The following CMC1 variants were observed in gnomAD, a reference collection of about 807,000 sequenced individuals.
The protein encoded by CMC1 is C-X9-C motif containing 1, also known as COX assembly mitochondrial protein homolog.
In CMC1, 14 loss-of-function variants were observed where a neutral mutation model predicts 14.1. The observed-to-expected ratio is 0.99, with a 90% CI of 0.66 to 1.55. The LOEUF is 1.55. Ranked by LOEUF, CMC1 falls within the 40% of genes most tolerant of loss-of-function variation. CMC1 has a pLI of 0.00. For synonymous variants in CMC1, 50 were observed against 38.4 expected, an observed-to-expected ratio of 1.30 and a Z score of -1.12; for missense variants, 127 against 123.8, an observed-to-expected ratio of 1.03 and a Z score of -0.12.
At chr3:28,284,242 C>T (rs760291387) in intron 2 of CMC1, among the ~76,000 whole-genome samples, 7 of 152,116 alleles carry the variant, frequency 4.6e-5, no homozygotes, top group South Asian at 2.1e-4. Context: ...TTACTGCTTC[C>T]GTGATTAAGG....
chr3:28,278,010 G>A (rs1700668893), intron 2 of CMC1, among the ~76,000 whole-genome samples: 1 of 123,586 alleles, frequency 8.1e-6, no homozygotes, highest in East Asian at 3.7e-4. Flanking sequence ...AGGTGGAATA[G>A]GGACAAGGGG....
At chr3:28,308,840 C>G (rs898732406) in intron 2 of CMC1, among the ~76,000 whole-genome samples, 1 of 151,990 alleles carries the variant, frequency 6.6e-6, no homozygotes, top group Non-Finnish European at 1.5e-5. Context: ...AAAATTAGCC[C>G]TGTGTGGTGG....
At chr3:28,304,354 A>T (rs1299017203) in intron 2 of CMC1, among the ~76,000 whole-genome samples, 1 of 151,930 alleles carries the variant, frequency 6.6e-6, no homozygotes. Context: ...GTCCCCAAAG[A>T]TGTCTCAGTC....
intron 2 of CMC1, among the ~76,000 whole-genome samples, chr3:28,286,207 CT>C (rs561069311): frequency 9.2e-4 from 140 of 152,196 alleles, no homozygotes; most frequent in African/African-American, 3.3e-3. Context: ...GATAGAATAA[CT>C]TTTTTTGCTA....
chr3:28,312,722 T>G (rs1366495992), intron 2 of CMC1, among the ~76,000 whole-genome samples: 1 of 151,628 alleles, frequency 6.6e-6, no homozygotes, highest in Non-Finnish European at 1.5e-5. Flanking sequence ...TGTACTTAAT[T>G]ATATAGACTA....
intron 2 of CMC1, among the ~76,000 whole-genome samples, chr3:28,286,411 A>G (rs1701182008): frequency 6.6e-6 from 1 of 152,148 alleles, no homozygotes; most frequent in Admixed American, 6.5e-5. Context: ...TTTCCCTGTA[A>G]GTTTTAACAT....
At chr3:28,245,648 G>C (rs535137766) in intron 1 of CMC1, among the ~76,000 whole-genome samples, 8 of 152,152 alleles carry the variant, frequency 5.3e-5, no homozygotes, top group African/African-American at 1.9e-4. Flanking sequence ...TAGGGCTTAG[G>C]GGGTGGAAAG....
At chr3:28,319,003 C>A in intron 3 of CMC1, 1 of 258,238 alleles carries the variant, frequency 3.9e-6, no homozygotes, top group African/African-American at 2.3e-5. Context: ...GCCTTTTCTC[C>A]TATGTGCATA....
At chr3:28,245,015 T>G (rs1478173678) in intron 1 of CMC1, among the ~76,000 whole-genome samples, 1 of 152,076 alleles carries the variant, frequency 6.6e-6, no homozygotes, top group Non-Finnish European at 1.5e-5. Flanking sequence ...TTTCACATTT[T>G]GATGTTTTAC....
chr3:28,264,747 T>C (rs556855657), intron 2 of CMC1, among the ~76,000 whole-genome samples: 2 of 152,298 alleles, frequency 1.3e-5, no homozygotes, highest in Admixed American at 6.5e-5. Context: ...AAAAACCCTA[T>C]AATAAAGTTG....
At position 28,323,553 on chromosome 3, in the gene CMC1, A is replaced by G. The variant is rs1166670071; in HGVS notation, c.*3924A>G. On this transcript the variant is annotated 3_prime_UTR_variant, in exon 4 of 4. Transcript: ENST00000466830. ...GCATATAAAGATGGTATAACCTAAG[A>G]TGCTTTTATTTCATTATATTTTCAA... 2 of 151,656 alleles carry G rather than the reference A, an allele frequency of 1.3e-5. No individual in the cohort carries two copies. The highest frequency in any genetic ancestry group is 3.0e-5 in the Non-Finnish European group (2 of 67,446). 9.4% of individuals were successfully genotyped at this position (151,656 alleles called of 1,614,324 possible).
rs1703263016 is a variant in CMC1 at position 28,323,609 on chromosome 3, A to C, written c.*3980A>C. The C allele has an allele frequency of 1.3e-5, 2 of 153,640 alleles. No homozygotes were observed. Among genetic ancestry groups the C allele is most frequent in the African/African-American group, 2.4e-5 (1 of 41,350 alleles). The allele number at this position is 153,640 out of a possible 1,614,324, so 9.5% of individuals were successfully genotyped here. The stretch of plus-strand genomic sequence containing the variant: ...TTACGCATTATAACAACAGAAATGT[A>C]ACCTACTCACATTGCCATTTGTTCC... On this transcript the variant is annotated 3_prime_UTR_variant, in exon 4 of 4. Coordinates refer to ENST00000466830, the MANE Select transcript of CMC1 (RefSeq NM_182523.2).
intron 1 of CMC1, among the ~76,000 whole-genome samples, chr3:28,257,416 G>T (rs1362057850): frequency 6.6e-6 from 1 of 152,016 alleles, no homozygotes; most frequent in Non-Finnish European, 1.5e-5. Context: ...TGATAGTAGT[G>T]GTATACAAAT....
In CMC1 at chr3:28,323,823, A is replaced by G; in HGVS notation, c.*4194A>G. 2.3e-6 allele frequency: 1 copy of G among 430,430 alleles called. No homozygotes were observed. Among genetic ancestry groups the G allele is most frequent in the Non-Finnish European group, 4.1e-6 (1 of 241,430 alleles). The allele number at this position is 430,430 out of a possible 1,614,324, so 26.7% of individuals were successfully genotyped here. A position where few individuals can be genotyped will look rare whatever the true frequency, so the allele number is the denominator to read the frequency against. Reference sequence around the variant, plus strand: ...TACTTATTAATTAGTATAGTAGCATATTTCAGATTCTTAGAATATGGAGCT... The same window carrying G: ...TACTTATTAATTAGTATAGTAGCATGTTTCAGATTCTTAGAATATGGAGCT... On this transcript the variant is annotated 3_prime_UTR_variant, in exon 4 of 4. Transcript: ENST00000466830.
rs1703276633 is a variant in CMC1, at chr3:28,323,904, C to T, written c.*4275C>T. The T allele has an allele frequency of 2.1e-6, 2 of 944,418 alleles. No individual in the cohort carries two copies. Among genetic ancestry groups the T allele is most frequent in the African/African-American group, 3.4e-5 (2 of 59,380 alleles). The allele number at this position is 944,418 out of a possible 1,614,324, so 58.5% of individuals were successfully genotyped here. A position where few individuals can be genotyped will look rare whatever the true frequency, so the allele number is the denominator to read the frequency against. On this transcript the variant is annotated 3_prime_UTR_variant, in exon 4 of 4. Coordinates refer to ENST00000466830, the MANE Select transcript of CMC1 (RefSeq NM_182523.2). Reference sequence around the variant, plus strand: ...CTATGTTGGTTTTTGTACTATTGTACAGTGTGTTCAAATATAGATACTGAA... The same window carrying T: ...CTATGTTGGTTTTTGTACTATTGTATAGTGTGTTCAAATATAGATACTGAA...
intron 2 of CMC1, among the ~76,000 whole-genome samples, chr3:28,273,126 A>C (rs1285370316): frequency 6.6e-6 from 1 of 152,192 alleles, no homozygotes; most frequent in Non-Finnish European, 1.5e-5. Context: ...CCTCTGGTAG[A>C]ATTCAGCTCT....
In CMC1 at chr3:28,323,791, TTAAG is replaced by T; in HGVS notation, c.*4164_*4167del. 1 of 306,174 alleles carries T rather than the reference TTAAG, an allele frequency of 3.3e-6. No homozygotes were observed. The highest frequency in any genetic ancestry group is 5.9e-6 in the Non-Finnish European group (1 of 168,210). The allele number at this position is 306,174 out of a possible 1,614,324, so 19.0% of individuals were successfully genotyped here. A position where few individuals can be genotyped will look rare whatever the true frequency, so the allele number is the denominator to read the frequency against. On this transcript the variant is annotated 3_prime_UTR_variant, in exon 4 of 4. Transcript: ENST00000466830. ...TAGAAGGCAGAGTTTTTTAAACACCTTAAGTTTACTTATTAATTAGTATAGTAGC... is the reference window on the plus strand; with the variant it reads ...TAGAAGGCAGAGTTTTTTAAACACCTTTTACTTATTAATTAGTATAGTAGC...
At chr3:28,309,079 G>C (rs762770968) in intron 2 of CMC1, among the ~76,000 whole-genome samples, 3 of 151,922 alleles carry the variant, frequency 2.0e-5, no homozygotes, top group Non-Finnish European at 4.4e-5. Flanking sequence ...TGGTTTCCTT[G>C]CTTTCTCTGG....
intron 3 of CMC1, chr3:28,318,211 T>C (rs1379529797): frequency 2.6e-5 from 4 of 151,920 alleles, no homozygotes; most frequent in African/African-American, 7.2e-5. Flanking sequence ...CCTTTATTTC[T>C]ACCTCTTACT....
Sources: gnomAD v4.1 joint callset for allele counts (sites outside exome capture counted in the v4.1 genomes callset) on GRCh38, gnomAD v4.1.1 for gene constraint, MANE v1.5 for transcripts, NCBI Gene and HGNC (gene_info 2026-07-23, HGNC 2026-07-21) for gene names.